Variants in PANK1 observed in about 807,000 individuals in gnomAD.
The protein encoded by PANK1 is pantothenate kinase 1.
A neutral mutation model predicts 40.1 loss-of-function variants in PANK1; 18 were observed. The observed-to-expected ratio is 0.45, with a 90% CI of 0.31 to 0.67. PANK1 has a LOEUF of 0.67. PANK1 is among the 30% of genes least tolerant of loss of function. The probability of loss-of-function intolerance (pLI) is 0.06; values close to 1 mark genes in which losing one functional copy is unlikely to be tolerated. For missense variants in PANK1, 457 were observed against 599.6 expected, an observed-to-expected ratio of 0.76 and a Z score of 2.48; for synonymous variants, 242 against 237.7, an observed-to-expected ratio of 1.02 and a Z score of -0.17.
chr10:89,609,049 C>T (rs544041983), intron 2 of PANK1, among the ~76,000 whole-genome samples: 1 of 152,184 alleles, frequency 6.6e-6, no homozygotes, highest in Non-Finnish European at 1.5e-5. Flanking sequence ...GTAATTATCA[C>T]CATCTGATAT....
In PANK1 at chr10:89,645,173, T is replaced by C; in HGVS notation, c.-282A>G. 1.3e-6 allele frequency: 2 copies of C among 1,559,668 alleles called. No homozygotes were observed. The highest frequency in any genetic ancestry group is 2.3e-5 in the South Asian group (2 of 85,934). On this transcript the variant is annotated 5_prime_UTR_variant, in exon 1 of 7. Coordinates refer to ENST00000307534, the MANE Select transcript of PANK1 (RefSeq NM_148977.3). The stretch of plus-strand genomic sequence containing the variant: ...ATCCCCGCGCACCCCCAGCCGGGGC[T>C]CCCGCCGCCCGCCTTCCCCTGATCC...
Position 89,645,033 on chromosome 10 carries a change from C to T in PANK1, c.-142G>A. On this transcript the variant is annotated 5_prime_UTR_variant, in exon 1 of 7. Transcript: ENST00000307534. ...GAGCCGGCGCCTGGGGATGGCGAAC[C>T]CGGCGCTCCTCCCCTCCTCCTGCCG... The T allele has an allele frequency of 6.4e-7, 1 of 1,565,988 alleles. No individual in the cohort carries two copies. Among genetic ancestry groups the T allele is most frequent in the East Asian group, 2.6e-5 (1 of 38,154 alleles).
At chr10:89,637,409 C>T (rs1260779510) in intron 1 of PANK1, among the ~76,000 whole-genome samples, 1 of 152,234 alleles carries the variant, frequency 6.6e-6, no homozygotes, top group Admixed American at 6.5e-5. Context: ...CTATAGCCTA[C>T]TACAGACCTA....
At position 89,611,815 on chromosome 10, in the gene PANK1, G is replaced by A. The variant is rs1845162608; in HGVS notation, c.526C>T (p.Pro176Ser). 6.2e-7 allele frequency: 1 copy of A among 1,614,212 alleles called. No individual in the cohort carries two copies. Among genetic ancestry groups the A allele is most frequent in the Non-Finnish European group, 8.5e-7 (1 of 1,180,044 alleles). Residue 176 changes from proline to serine, a missense_variant, in exon 2 of 7, where the codon CCC (proline) becomes TCC (serine). Pro to Ser is a moderately conservative substitution (Grantham distance 74). This residue lies in a region of PANK1 where 286 missense variants were observed against 415.8 expected (regional missense o/e 0.69). Coordinates refer to ENST00000307534, the MANE Select transcript of PANK1 (RefSeq NM_148977.3). ...RKGNLHFIRFPSCAMHRFIQM... is the reference protein window; with the variant it reads ...RKGNLHFIRFSSCAMHRFIQM... ...ATGAACCTGTGCATAGCACAGCTGG[G>A]AAAGCGGATGAAGTGCAGGTTCCCT...
intron 1 of PANK1, among the ~76,000 whole-genome samples, chr10:89,637,171 T>C (rs1335104724): frequency 1.3e-5 from 2 of 151,928 alleles, no homozygotes; most frequent in Non-Finnish European, 2.9e-5. Context: ...CTGAGCACCG[T>C]TGAGCCACAG....
At chr10:89,608,735 G>A (rs533381292) in intron 2 of PANK1, among the ~76,000 whole-genome samples, 1 of 152,256 alleles carries the variant, frequency 6.6e-6, no homozygotes, top group Non-Finnish European at 1.5e-5. Flanking sequence ...AACAATAACA[G>A]GACTTTATAG....
At chr10:89,625,053 A>G (rs1475116621) in intron 1 of PANK1, among the ~76,000 whole-genome samples, 1 of 152,054 alleles carries the variant, frequency 6.6e-6, no homozygotes, top group Non-Finnish European at 1.5e-5. Context: ...TGTGCACTCT[A>G]CCACTTCTGG....
chr10:89,612,084 A>ATG (rs1564627992), intron 1 of PANK1, 36 bp from the exon 2 acceptor site: 2 of 1,550,700 alleles, frequency 1.3e-6, no homozygotes, highest in Non-Finnish European at 1.8e-6. Flanking sequence ...GCTGAATGCT[A>ATG]TGCGTGCAAA....
At chr10:89,643,999 T>A (rs1424869446) in intron 1 of PANK1, 2 of 519,242 alleles carry the variant, frequency 3.9e-6, no homozygotes, top group South Asian at 8.0e-5. Flanking sequence ...CCGGCCCACA[T>A]GGTATCAGTG....
chr10:89,626,280 C>G (rs1046603857), intron 1 of PANK1: 4 of 151,416 alleles, frequency 2.6e-5, no homozygotes, highest in African/African-American at 9.7e-5. Context: ...GTATAAGTAT[C>G]AACTTTCTGT....
At chr10:89,633,188 C>T (rs762411034) in intron 1 of PANK1, among the ~76,000 whole-genome samples, 2 of 152,040 alleles carry the variant, frequency 1.3e-5, no homozygotes, top group Non-Finnish European at 2.9e-5. Flanking sequence ...CATAAGGATA[C>T]TGAAATGCAG....
intron 2 of PANK1, among the ~76,000 whole-genome samples, chr10:89,611,220 G>A (rs1018860624): frequency 1.3e-5 from 2 of 152,128 alleles, no homozygotes; most frequent in Non-Finnish European, 2.9e-5. Context: ...CTTCTGAATG[G>A]CATTCATATG....
chr10:89,637,028 T>C (rs562581902), intron 1 of PANK1, among the ~76,000 whole-genome samples: 26 of 150,218 alleles, frequency 1.7e-4, no homozygotes, highest in African/African-American at 5.6e-4. Context: ...CGCCTGGCTA[T>C]TTTGTATTTT....
chr10:89,599,702 A>G lies in PANK1; in HGVS notation c.646-197T>C, dbSNP rs373443879. ...TTGGCTAGATGTCATACCTGCCCAC[A>G]GTGCATGCTAAAGGACAAGAGCTTG... On this transcript the variant is annotated intron_variant, in intron 2 of 6. Transcript: ENST00000307534. Among the ~76,000 whole-genome samples the G allele has an allele frequency of 6.6e-5, 10 of 152,304 alleles. No homozygotes were observed. The East Asian group carries it at 1.5e-3, about 24-fold the overall frequency.
intron 2 of PANK1, among the ~76,000 whole-genome samples, chr10:89,606,469 C>T (rs1257385661): frequency 6.6e-6 from 1 of 152,208 alleles, no homozygotes; most frequent in Non-Finnish European, 1.5e-5. Flanking sequence ...ATGTTATGGA[C>T]ATGGCTTCTT....
At chr10:89,586,157 G>T (rs762096075) in intron 6 of PANK1, among the ~76,000 whole-genome samples, 45 of 152,292 alleles carry the variant, frequency 3.0e-4, no homozygotes, top group Admixed American at 1.4e-3. Flanking sequence ...TCCAGGCTTT[G>T]TTGTCTGCAT....
At chr10:89,628,259 A>C (rs1841531413) in intron 1 of PANK1, among the ~76,000 whole-genome samples, 1 of 152,264 alleles carries the variant, frequency 6.6e-6, no homozygotes, top group Non-Finnish European at 1.5e-5. Flanking sequence ...CACAATAGCC[A>C]AAAAGTAGAA....
intron 1 of PANK1, among the ~76,000 whole-genome samples, chr10:89,615,025 T>C (rs529678212): frequency 2.5e-4 from 38 of 152,060 alleles, no homozygotes; most frequent in East Asian, 5.8e-4. Flanking sequence ...TAGAAAAGCA[T>C]AGAAGGCCCC....
rs914674380 is a variant in PANK1, at chr10:89,623,323, G to A, written c.293-11275C>T. On this transcript the variant is annotated intron_variant, in intron 1 of 6. Coordinates refer to ENST00000307534, the MANE Select transcript of PANK1 (RefSeq NM_148977.3). ...TGCAAGCTCCGCCTCCTGGGTTAAC[G>A]CCATTCTCCTGCCTTAGCCTCCCGA... 7.9e-5 allele frequency among the ~76,000 whole-genome samples: 12 copies of A among 152,108 alleles called. 1 individual carries two copies. Among genetic ancestry groups the A allele is most frequent in the African/African-American group, 2.9e-4 (12 of 41,422 alleles).
Sources: gnomAD v4.1 joint callset for allele counts (sites outside exome capture counted in the v4.1 genomes callset) on GRCh38, gnomAD v4.1.1 for gene constraint, gnomAD v4.1.1 regional missense constraint, MANE v1.5 for transcripts, NCBI Gene and HGNC (gene_info 2026-07-23, HGNC 2026-07-21) for gene names.